The following RABGAP1L variants were observed in gnomAD, a reference collection of about 807,000 sequenced individuals.
RABGAP1L encodes RAB GTPase activating protein 1 like.
A neutral mutation model predicts 137.7 loss-of-function variants in RABGAP1L; 63 were observed. The ratio of observed to expected loss-of-function variants is 0.46; its 90% CI spans 0.37 to 0.56. The LOEUF (loss-of-function observed/expected upper bound fraction) is 0.56, where lower values mean the gene tolerates loss of function less well. RABGAP1L is among the 20% of genes least tolerant of loss of function. The pLI is 0.00. For missense variants in RABGAP1L, 1,095 were observed against 1,244.0 expected, an observed-to-expected ratio of 0.88 and a Z score of 1.80; for synonymous variants, 431 against 433.7, an observed-to-expected ratio of 0.99 and a Z score of 0.08.
intron 11 of RABGAP1L, among the ~76,000 whole-genome samples, chr1:174,358,902 A>G (rs1036248095): frequency 3.9e-5 from 6 of 152,200 alleles, no homozygotes; most frequent in Admixed American, 3.3e-4. Flanking sequence ...CACGAAGCTC[A>G]TAGTATGATG....
chr1:174,204,228 C>A (rs534108134), intron 1 of RABGAP1L, among the ~76,000 whole-genome samples: 2 of 152,094 alleles, frequency 1.3e-5, no homozygotes, highest in Admixed American at 1.3e-4. Flanking sequence ...TGGGATTATA[C>A]GTGTGAGCCA....
At chr1:174,288,278 ACTAT>A (rs147157598) in intron 10 of RABGAP1L, among the ~76,000 whole-genome samples, 6,950 of 152,242 alleles carry the variant, frequency 0.046, 231 homozygotes, top group Middle Eastern at 0.092. Flanking sequence ...TCTGATTTTG[ACTAT>A]CTATTTGCTT....
intron 13 of RABGAP1L, among the ~76,000 whole-genome samples, chr1:174,610,120 A>T (rs1269825256): frequency 6.6e-6 from 1 of 150,702 alleles, no homozygotes; most frequent in Non-Finnish European, 1.5e-5. Context: ...TTAGTTACAT[A>T]TGTATACATG....
chr1:174,437,134 A>G (rs1653455997), intron 13 of RABGAP1L, among the ~76,000 whole-genome samples: 1 of 152,196 alleles, frequency 6.6e-6, no homozygotes, highest in Non-Finnish European at 1.5e-5. Context: ...CAGAGCAGAA[A>G]AACCGGAAAC....
chr1:174,371,096 A>T, intron 12 of RABGAP1L, 24 bp downstream of exon 12: 1 of 1,300,274 alleles, frequency 7.7e-7, no homozygotes, highest in Non-Finnish European at 1.1e-6. Context: ...TTTCATACTG[A>T]AAATTCTATA....
intron 18 of RABGAP1L, among the ~76,000 whole-genome samples, chr1:174,810,431 CATG>C (rs1166099648): frequency 6.6e-6 from 1 of 152,184 alleles, no homozygotes; most frequent in Non-Finnish European, 1.5e-5. Flanking sequence ...TCTTGCTAGT[CATG>C]ATAATGACTT....
At chr1:174,898,708 A>C (rs1187341915) in intron 19 of RABGAP1L, among the ~76,000 whole-genome samples, 2 of 152,208 alleles carry the variant, frequency 1.3e-5, no homozygotes, top group Non-Finnish European at 2.9e-5. Context: ...GGTCTATTGC[A>C]AGGATACTAA....
chr1:174,210,551 G>A (rs1241669818), intron 1 of RABGAP1L, among the ~76,000 whole-genome samples: 1 of 151,894 alleles, frequency 6.6e-6, no homozygotes, highest in African/African-American at 2.4e-5. Context: ...GGAGACAAAA[G>A]AAAAACAAAA....
intron 13 of RABGAP1L, among the ~76,000 whole-genome samples, chr1:174,412,103 G>A (rs1338353756): frequency 6.6e-6 from 1 of 152,008 alleles, no homozygotes; most frequent in African/African-American, 2.4e-5. Context: ...CTATTACTGT[G>A]TGGCTAAGTC....
At chr1:174,630,245 C>G (rs1304612413) in intron 13 of RABGAP1L, among the ~76,000 whole-genome samples, 1 of 137,080 alleles carries the variant, frequency 7.3e-6, no homozygotes, top group Non-Finnish European at 1.6e-5. Flanking sequence ...ATGAAGCCCA[C>G]TTGATCATGG....
intron 1 of RABGAP1L, among the ~76,000 whole-genome samples, chr1:174,161,598 A>C (rs1345884914): frequency 6.6e-6 from 1 of 152,206 alleles, no homozygotes; most frequent in Non-Finnish European, 1.5e-5. Flanking sequence ...TAGAGCTTAT[A>C]TGTGAACATA....
At chr1:174,925,915 G>C (rs569475066) in intron 19 of RABGAP1L, among the ~76,000 whole-genome samples, 3 of 134,432 alleles carry the variant, frequency 2.2e-5, no homozygotes, top group Non-Finnish European at 4.7e-5. Flanking sequence ...TTGATACCAG[G>C]CTGCAGTGGT....
chr1:174,306,293 C>T (rs373285656), intron 11 of RABGAP1L, among the ~76,000 whole-genome samples: 4 of 152,154 alleles, frequency 2.6e-5, no homozygotes, highest in Non-Finnish European at 4.4e-5. Flanking sequence ...AATTGGATGG[C>T]TGGGTCAAAT....
At chr1:174,814,658 C>G (rs1458169189) in intron 19 of RABGAP1L, among the ~76,000 whole-genome samples, 2 of 151,682 alleles carry the variant, frequency 1.3e-5, no homozygotes, top group South Asian at 2.1e-4. Context: ...TACCCTTACA[C>G]TGAGGCACTC....
intron 7 of RABGAP1L, among the ~76,000 whole-genome samples, chr1:174,256,520 C>T (rs1466726123): frequency 6.6e-6 from 1 of 152,118 alleles, no homozygotes; most frequent in East Asian, 1.9e-4. Flanking sequence ...CGGTGGCTCA[C>T]GCCTGTAATC....
chr1:174,773,637 A>G (rs1300038517), intron 18 of RABGAP1L, among the ~76,000 whole-genome samples: 3 of 152,260 alleles, frequency 2.0e-5, no homozygotes, highest in Non-Finnish European at 2.9e-5. Context: ...ACCAAGAGCC[A>G]TTGCTATATG....
intron 1 of RABGAP1L, among the ~76,000 whole-genome samples, chr1:174,207,059 T>G (rs1471457417): frequency 6.6e-6 from 1 of 152,216 alleles, no homozygotes; most frequent in Non-Finnish European, 1.5e-5. Flanking sequence ...TTTTCTATAA[T>G]GCTGATAAGC....
intron 13 of RABGAP1L, among the ~76,000 whole-genome samples, chr1:174,518,060 T>G (rs1663023646): frequency 6.6e-6 from 1 of 152,160 alleles, no homozygotes; most frequent in South Asian, 2.1e-4. Context: ...TGGTCGTACA[T>G]TAAAATCGCC....
intron 11 of RABGAP1L, among the ~76,000 whole-genome samples, chr1:174,364,243 C>CTTTTTTTTTTTA (rs1684395813): frequency 1.2e-5 from 1 of 81,184 alleles, no homozygotes; most frequent in East Asian, 4.5e-4. Context: ...TTTGGATTTC[C>CTTTTTTTTTTTA]TTTTTTTTTT....
Sources: allele counts gnomAD v4.1 joint callset (sites outside exome capture counted in the v4.1 genomes callset), GRCh38; gene constraint gnomAD v4.1.1; transcripts MANE v1.5; gene names NCBI Gene and HGNC (gene_info 2026-07-23, HGNC 2026-07-21).